Variants in PSD3 observed in about 807,000 individuals in gnomAD.
PSD3 encodes the protein PH and SEC7 domain-containing protein 3.
PSD3 carries 49 observed loss-of-function variants against 105.5 expected under a neutral mutation model. That is an observed-to-expected ratio of 0.46 (90% CI 0.37 to 0.59). The LOEUF is 0.59. Ranked by LOEUF, PSD3 falls within the 20% of genes least tolerant of loss-of-function variation. PSD3 has a pLI of 0.00. For synonymous variants in PSD3, 557 were observed against 457.8 expected, an observed-to-expected ratio of 1.22 and a Z score of -2.77; for missense variants, 1,561 against 1,263.8, an observed-to-expected ratio of 1.24 and a Z score of -3.57.
chr8:18,807,830 G>C (rs997068085), intron 4 of PSD3, among the ~76,000 whole-genome samples: 2 of 152,120 alleles, frequency 1.3e-5, no homozygotes, highest in East Asian at 1.9e-4. Context: ...ACATGGCTGG[G>C]TGTGGTGGCT....
chr8:18,801,407 C>G, intron 6 of PSD3, 25 bp from the exon 7 acceptor site: 1 of 1,442,732 alleles, frequency 6.9e-7, no homozygotes, highest in South Asian at 1.2e-5. Context: ...AAAATTTAAA[C>G]AGTGAAATTT....
chr8:18,687,597 CA>C (rs1446567440), intron 9 of PSD3, among the ~76,000 whole-genome samples: 1 of 151,724 alleles, frequency 6.6e-6, no homozygotes, highest in East Asian at 1.9e-4. Flanking sequence ...TTTTCCTGTT[CA>C]GTCCCTCTGC....
chr8:19,009,477 C>T (rs967507821), intron 1 of PSD3, among the ~76,000 whole-genome samples: 1 of 152,148 alleles, frequency 6.6e-6, no homozygotes, highest in African/African-American at 2.4e-5. Flanking sequence ...CACTACTGAC[C>T]TCATGGGTTG....
At chr8:18,713,784 A>G (rs1802400959) in intron 9 of PSD3, among the ~76,000 whole-genome samples, 1 of 152,232 alleles carries the variant, frequency 6.6e-6, no homozygotes, top group South Asian at 2.1e-4. Flanking sequence ...ACATCATTTT[A>G]AAATTCATAT....
chr8:18,870,681 T>C (rs1402042019), intron 3 of PSD3, among the ~76,000 whole-genome samples: 2 of 134,698 alleles, frequency 1.5e-5, no homozygotes, highest in African/African-American at 5.8e-5. Context: ...AAGTATAATT[T>C]ACAAAAAAAA....
At chr8:18,971,947 G>C (rs13260121) in intron 1 of PSD3, among the ~76,000 whole-genome samples, 12,251 of 152,206 alleles carry the variant, frequency 0.08, 530 homozygotes, top group South Asian at 0.12. Flanking sequence ...AGAGGTTGCA[G>C]TGAGCCGAGA....
At chr8:18,813,418 T>G (rs1811884457) in intron 4 of PSD3, among the ~76,000 whole-genome samples, 1 of 152,176 alleles carries the variant, frequency 6.6e-6, no homozygotes, top group South Asian at 2.1e-4. Context: ...ATTCAGTAGA[T>G]GTGAACTAGT....
chr8:18,951,904 G>A (rs10095581), intron 1 of PSD3, among the ~76,000 whole-genome samples: 52,050 of 151,850 alleles, frequency 0.34, 9,125 homozygotes, highest in Middle Eastern at 0.53. Flanking sequence ...GGGAAGCGGA[G>A]GTTGCAGTGA....
chr8:18,553,466 T>C (rs1234862648), intron 15 of PSD3, among the ~76,000 whole-genome samples: 1 of 152,248 alleles, frequency 6.6e-6, no homozygotes, highest in Non-Finnish European at 1.5e-5. Flanking sequence ...CCTCTGATGT[T>C]ATCTTTTATA....
rs1585184271 is a variant in PSD3, at chr8:18,531,819, G to C, written c.*3924C>G. 6.6e-6 allele frequency: 1 copy of C among 152,280 alleles called. No homozygotes were observed. Among genetic ancestry groups the C allele is most frequent in the East Asian group, 1.9e-4 (1 of 5,184 alleles). 9.4% of individuals were successfully genotyped at this position (152,280 alleles called of 1,614,324 possible). A position where few individuals can be genotyped will look rare whatever the true frequency, so the allele number is the denominator to read the frequency against. On this transcript the variant is annotated 3_prime_UTR_variant, in exon 16 of 16. Coordinates refer to ENST00000327040, the MANE Select transcript of PSD3 (RefSeq NM_015310.4). ...GTTTTACAGTGCTAATTTTACAATT[G>C]GAAAAAATTCTGTCATTTGAAAAGT...
intron 2 of PSD3, among the ~76,000 whole-genome samples, chr8:18,891,974 C>T (rs1028702917): frequency 6.6e-6 from 1 of 151,988 alleles, no homozygotes; most frequent in Admixed American, 6.6e-5. Flanking sequence ...GGAAGTTAAC[C>T]CAACACACAG....
chr8:18,540,753 T>C (rs1800109231), intron 15 of PSD3, among the ~76,000 whole-genome samples: 1 of 152,132 alleles, frequency 6.6e-6, no homozygotes, highest in African/African-American at 2.4e-5. Flanking sequence ...AGACAGAGTG[T>C]GTCAGCTCTG....
intron 12 of PSD3, among the ~76,000 whole-genome samples, chr8:18,598,898 C>A (rs972713173): frequency 2.6e-5 from 4 of 151,976 alleles, no homozygotes; most frequent in African/African-American, 7.2e-5. Context: ...AAAGAAGACA[C>A]AAATAAATGA....
chr8:18,812,117 CACA>C (rs1359079204), intron 4 of PSD3, among the ~76,000 whole-genome samples: 1 of 152,152 alleles, frequency 6.6e-6, no homozygotes, highest in East Asian at 1.9e-4. Context: ...TAATTTTTAT[CACA>C]ACAACTGGTG....
At chr8:18,956,496 G>A (rs908013769) in intron 1 of PSD3, among the ~76,000 whole-genome samples, 4 of 152,174 alleles carry the variant, frequency 2.6e-5, no homozygotes, top group African/African-American at 9.7e-5. Flanking sequence ...AGGCTCAAGA[G>A]TTTAGAGTAT....
intron 1 of PSD3, among the ~76,000 whole-genome samples, chr8:18,985,458 C>T (rs6981220): frequency 0.28 from 42,837 of 152,038 alleles, 6,866 homozygotes; most frequent in Non-Finnish European, 0.37. Context: ...AATAGGAAGG[C>T]ACCAGGAATT....
At chr8:18,831,257 C>T (rs1437054821) in intron 4 of PSD3, among the ~76,000 whole-genome samples, 2 of 152,236 alleles carry the variant, frequency 1.3e-5, no homozygotes, top group African/African-American at 4.8e-5. Flanking sequence ...AATACACACC[C>T]TTCTGCAGCT....
chr8:18,780,195 G>C (rs1380543784), intron 8 of PSD3, among the ~76,000 whole-genome samples: 1 of 152,062 alleles, frequency 6.6e-6, no homozygotes, highest in African/African-American at 2.4e-5. Context: ...GCCGCTTTTT[G>C]GCTTAAAGTC....
intron 1 of PSD3, among the ~76,000 whole-genome samples, chr8:19,056,810 A>G (rs1828723591): frequency 6.6e-6 from 1 of 152,238 alleles, no homozygotes; most frequent in Admixed American, 6.5e-5. Flanking sequence ...AGTAAAAAGA[A>G]ATAGAGATAA....
Sources: allele counts gnomAD v4.1 joint callset (sites outside exome capture counted in the v4.1 genomes callset), GRCh38; gene constraint gnomAD v4.1.1; transcripts MANE v1.5; gene names NCBI Gene and HGNC (gene_info 2026-07-23, HGNC 2026-07-21).